Variants in OR2T2 observed in about 807,000 individuals in gnomAD.
The protein encoded by OR2T2 is olfactory receptor family 2 subfamily T member 2.
For synonymous variants in OR2T2, 50 were observed against 162.7 expected, an observed-to-expected ratio of 0.31 and a Z score of 5.27; for missense variants, 138 against 409.1, an observed-to-expected ratio of 0.34 and a Z score of 5.72.
chr1:248,447,532 CCT>C (rs1331900059), intron 2 of OR2T2, among the ~76,000 whole-genome samples: 8 of 146,972 alleles, frequency 5.4e-5, no homozygotes, highest in African/African-American at 2.1e-4. Flanking sequence ...TGGACTCTCC[CCT>C]CTCTCTTCCA....
intron 2 of OR2T2, among the ~76,000 whole-genome samples, chr1:248,447,657 T>C (rs1235728833): frequency 6.6e-6 from 1 of 151,588 alleles, no homozygotes; most frequent in African/African-American, 2.4e-5. Context: ...GGTTTCCCTC[T>C]CTACTATTGC....
At chr1:248,455,178 GTTTA>G (rs1443507613) in exon 3 of OR2T2, 1 of 146,182 alleles carries the variant, frequency 6.8e-6, no homozygotes, top group Non-Finnish European at 1.5e-5. Context: ...CGGACCTGGT[GTTTA>G]TTTTCTTTGT....
chr1:248,453,094 A>G (rs753255562), exon 3 of OR2T2: 2 of 1,613,152 alleles, frequency 1.2e-6, no homozygotes, highest in Non-Finnish European at 1.7e-6. Context: ...TGGGCTGTGC[A>G]GTTCAGATCT....
intron 2 of OR2T2, among the ~76,000 whole-genome samples, chr1:248,448,465 A>G: frequency 3.0e-5 from 1 of 33,110 alleles, no homozygotes; most frequent in Non-Finnish European, 5.4e-5. Flanking sequence ...CTGCAGTTCC[A>G]GATATCCAGT....
intron 2 of OR2T2, among the ~76,000 whole-genome samples, chr1:248,447,027 T>C (rs71228547): frequency 0.11 from 14,646 of 134,704 alleles, 279 homozygotes; most frequent in African/African-American, 0.19. Flanking sequence ...TACTTTTCCA[T>C]GAATGAAAAC....
chr1:248,450,303 CT>C (rs1662764803), intron 2 of OR2T2, among the ~76,000 whole-genome samples: 3 of 144,336 alleles, frequency 2.1e-5, no homozygotes, highest in Non-Finnish European at 3.0e-5. Context: ...TATGAACACA[CT>C]ACACACACAT....
exon 3 of OR2T2, chr1:248,454,972 CTTA>C (rs1662902417): frequency 3.4e-5 from 5 of 147,626 alleles, no homozygotes; most frequent in Admixed American, 2.0e-4. Context: ...GCTCAATTTT[CTTA>C]TTCTCAACAT....
chr1:248,447,107 G>GAT (rs1553318788), intron 2 of OR2T2, among the ~76,000 whole-genome samples: 2 of 152,046 alleles, frequency 1.3e-5, no homozygotes, highest in African/African-American at 4.8e-5. Flanking sequence ...TAGAACTGGA[G>GAT]ATAAGGTAAG....
exon 3 of OR2T2, chr1:248,453,082 C>T (rs1237183660): frequency 6.2e-7 from 1 of 1,613,128 alleles, no homozygotes; most frequent in Non-Finnish European, 8.5e-7. Context: ...CCATTTCCTT[C>T]CTGGGCTGTG....
chr1:248,452,958 C>A (rs201768488), exon 3 of OR2T2: 1 of 1,614,136 alleles, frequency 6.2e-7, no homozygotes, highest in South Asian at 1.1e-5. Flanking sequence ...CACATGGACT[C>A]CCGCCTCCAC....
intron 2 of OR2T2, among the ~76,000 whole-genome samples, chr1:248,450,204 T>TAAAC (rs373696477): frequency 6.8e-6 from 1 of 146,428 alleles, no homozygotes; most frequent in Non-Finnish European, 1.5e-5. Context: ...AGCAGTGTAG[T>TAAAC]TCTGCTCTTT....
intron 2 of OR2T2, 99 bp from the exon 4 acceptor site, chr1:248,452,677 T>A: frequency 2.1e-6 from 2 of 967,600 alleles, no homozygotes; most frequent in Non-Finnish European, 3.2e-6. Context: ...AAGTAGGTGA[T>A]CTTTTCTTGA....
intron 2 of OR2T2, among the ~76,000 whole-genome samples, chr1:248,450,402 T>C (rs1457909687): frequency 1.5e-5 from 2 of 135,278 alleles, no homozygotes; most frequent in Non-Finnish European, 3.0e-5. Context: ...GCTAAAATCA[T>C]ATCTTTCTCC....
exon 1 of OR2T2, chr1:248,445,637 G>A (rs1662622544): frequency 6.6e-6 from 1 of 152,290 alleles, no homozygotes; most frequent in Non-Finnish European, 1.5e-5. Context: ...TTCCACTACT[G>A]CTTTAGAAAG....
At chr1:248,447,945 C>T (rs1176215054) in intron 2 of OR2T2, among the ~76,000 whole-genome samples, 7 of 152,240 alleles carry the variant, frequency 4.6e-5, no homozygotes, top group Non-Finnish European at 1.0e-4. Flanking sequence ...AATTGCCCAC[C>T]ATTTTGAGTA....
At chr1:248,452,616 C>T (rs1247305278) in intron 2 of OR2T2, among the ~76,000 whole-genome samples, 160 bp from the exon 4 acceptor site, 21 of 136,104 alleles carry the variant, frequency 1.5e-4, no homozygotes, top group Non-Finnish European at 2.6e-4. Flanking sequence ...ATTTTCTGTC[C>T]AATATCATAC....
At chr1:248,446,235 C>T (rs1396602645) in intron 1 of OR2T2, among the ~76,000 whole-genome samples, 2 of 139,400 alleles carry the variant, frequency 1.4e-5, no homozygotes, top group Admixed American at 6.9e-5. Flanking sequence ...GCCTTAAGAT[C>T]TTTTTTTTTA....
intron 2 of OR2T2, among the ~76,000 whole-genome samples, chr1:248,447,084 G>A (rs1662679845): frequency 6.6e-6 from 1 of 152,056 alleles, no homozygotes. Context: ...TGGTAACTAA[G>A]GCAGTATGTA....
chr1:248,445,837 A>C (rs1662629086), intron 1 of OR2T2, among the ~76,000 whole-genome samples, 168 bp downstream of exon 1: 1 of 151,222 alleles, frequency 6.6e-6, no homozygotes. Flanking sequence ...ACATATATTC[A>C]CTATCTGGCA....
Sources: allele counts gnomAD v4.1 joint callset (sites outside exome capture counted in the v4.1 genomes callset), GRCh38; gene constraint gnomAD v4.1.1; transcripts MANE v1.5; gene names NCBI Gene and HGNC (gene_info 2026-07-23, HGNC 2026-07-21).